The following PDE1C variants were observed in gnomAD, a reference collection of about 807,000 sequenced individuals.
The protein encoded by PDE1C is phosphodiesterase 1C, also known as dual specificity calcium/calmodulin-dependent 3',5'-cyclic nucleotide phosphodiesterase 1C.
Under a neutral mutation model 93.1 loss-of-function variants are expected in PDE1C, and 62 were observed. The observed-to-expected ratio is 0.67, with a 90% confidence interval of 0.54 to 0.82. The LOEUF (loss-of-function observed/expected upper bound fraction) is 0.82, where lower values mean the gene tolerates loss of function less well. Among genes scored for constraint, PDE1C ranks in the 40% least tolerant of loss-of-function variants. PDE1C has a pLI of 0.00. For synonymous variants in PDE1C, 325 were observed against 310.1 expected (o/e 1.05, Z -0.50); for missense variants, 742 against 884.6 (o/e 0.84, Z 2.04).
intron 2 of PDE1C, among the ~76,000 whole-genome samples, chr7:31,926,906 G>T (rs935631478): frequency 2.0e-5 from 3 of 151,976 alleles, no homozygotes; most frequent in Non-Finnish European, 4.4e-5. Flanking sequence ...GAGTTTTTTT[G>T]TTTTGTTTTG....
chr7:32,226,052 C>T (rs1188037674), intron 1 of PDE1C, among the ~76,000 whole-genome samples: 1 of 151,834 alleles, frequency 6.6e-6, no homozygotes, highest in Non-Finnish European at 1.5e-5. Context: ...AGCGAGACTC[C>T]ATCTCAAAAA....
chr7:31,926,901 T>TTTTTGTTTTGTTTTGTTTTG (rs111533454), intron 2 of PDE1C, among the ~76,000 whole-genome samples: 1 of 151,656 alleles, frequency 6.6e-6, no homozygotes, highest in African/African-American at 2.4e-5. Flanking sequence ...TGCAGGAGTT[T>TTTTTGTTTTGTTTTGTTTTG]TTTTGTTTTG....
chr7:32,030,479 A>C (rs1042766900), intron 2 of PDE1C, among the ~76,000 whole-genome samples: 2 of 152,126 alleles, frequency 1.3e-5, no homozygotes, highest in African/African-American at 4.8e-5. Flanking sequence ...TTAAAAAATT[A>C]GATCGCTGAA....
intron 16 of PDE1C, 50 bp downstream of exon 16, chr7:31,808,981 C>T (rs768756664): frequency 9.4e-7 from 1 of 1,066,094 alleles, no homozygotes; most frequent in Non-Finnish European, 1.5e-6. Context: ...AACAAGCTTA[C>T]ATTAAACTGC....
Position 32,127,161 on chromosome 7 carries a change from C to A in PDE1C, c.308+42624G>T, listed in dbSNP as rs571835430. ...ACTGAAACATCAGCTCTTTCTGGGT[C>A]TTTAGCCTGCCAGCCTTCAGAAGAG... is the stretch of plus-strand genomic sequence containing the variant. On this transcript the variant is annotated intron_variant, in intron 3 of 18. Transcript: ENST00000396193. 1.3e-4 allele frequency among the ~76,000 whole-genome samples: 20 copies of A among 152,290 alleles called. No individual in the cohort carries two copies. The South Asian group carries it at 1.5e-3, about 11-fold the overall frequency.
intron 9 of PDE1C, among the ~76,000 whole-genome samples, chr7:31,838,683 CCTCT>C (rs1422188992): frequency 2.6e-5 from 4 of 152,100 alleles, no homozygotes; most frequent in Non-Finnish European, 5.9e-5. Flanking sequence ...TCGATTCACC[CCTCT>C]CTTTTTTCCC....
At chr7:31,633,558 C>G in the PDE1C span, among the ~76,000 whole-genome samples, 1 of 152,236 alleles carries the variant, frequency 6.6e-6, no homozygotes, top group African/African-American at 2.4e-5. Flanking sequence ...CAACTGCTCT[C>G]TGGTCTGAAC....
chr7:32,408,720 C>T (rs1250942910), intron 1 of PDE1C, among the ~76,000 whole-genome samples: 1 of 151,936 alleles, frequency 6.6e-6, no homozygotes, highest in Non-Finnish European at 1.5e-5. Flanking sequence ...ACCCAGGAGG[C>T]GAAGGTTGCA....
intron 3 of PDE1C, among the ~76,000 whole-genome samples, chr7:32,124,106 T>C (rs963618602): frequency 6.6e-6 from 1 of 152,110 alleles, no homozygotes; most frequent in African/African-American, 2.4e-5. Flanking sequence ...CTATTCATAA[T>C]TGCTACAAAG....
intron 1 of PDE1C, among the ~76,000 whole-genome samples, chr7:32,287,475 A>G (rs1257178931): frequency 1.3e-5 from 2 of 152,244 alleles, no homozygotes; most frequent in Non-Finnish European, 2.9e-5. Flanking sequence ...TGGCCTTGCC[A>G]TCAGAGGACT....
chr7:32,014,697 G>A (rs1787651901), intron 2 of PDE1C, among the ~76,000 whole-genome samples: 1 of 152,102 alleles, frequency 6.6e-6, no homozygotes, highest in Admixed American at 6.6e-5. Context: ...ACTTATGAGT[G>A]AGAACATGCA....
intron 2 of PDE1C, among the ~76,000 whole-genome samples, chr7:31,973,225 CAA>C (rs1184311280): frequency 5.3e-5 from 8 of 151,936 alleles, no homozygotes. Context: ...GGGGCAGAAA[CAA>C]AAGACTCAAC....
At chr7:32,406,866 G>A (rs766991292) in intron 1 of PDE1C, among the ~76,000 whole-genome samples, 35 of 152,290 alleles carry the variant, frequency 2.3e-4, no homozygotes, top group Non-Finnish European at 4.0e-4. Flanking sequence ...GATAGACAGC[G>A]TCCTGGTGAG....
chr7:32,187,841 C>A (rs914383320), intron 2 of PDE1C, among the ~76,000 whole-genome samples: 1 of 152,166 alleles, frequency 6.6e-6, no homozygotes, highest in African/African-American at 2.4e-5. Context: ...TACTTTTTCT[C>A]AAAATCCATT....
chr7:31,620,577 CAGAA>C, the PDE1C span, among the ~76,000 whole-genome samples: 2 of 151,172 alleles, frequency 1.3e-5, no homozygotes, highest in Non-Finnish European at 3.0e-5. Context: ...AACTAACAAA[CAGAA>C]AGGACATCCA....
intron 2 of PDE1C, among the ~76,000 whole-genome samples, chr7:31,951,212 T>C (rs1334202381): frequency 1.3e-5 from 2 of 152,214 alleles, no homozygotes; most frequent in African/African-American, 2.4e-5. Context: ...ATAGTCACAT[T>C]GGGTGTTAGG....
intron 1 of PDE1C, among the ~76,000 whole-genome samples, chr7:32,324,919 G>A (rs567341147): frequency 5.3e-5 from 8 of 152,078 alleles, no homozygotes; most frequent in Admixed American, 1.3e-4. Flanking sequence ...ACTGTACTCC[G>A]GCCTGGGTGA....
chr7:31,651,273 AT>A, the PDE1C span: 1 of 1,612,466 alleles, frequency 6.2e-7, no homozygotes, highest in South Asian at 1.1e-5. Context: ...AGGAAAGGTA[AT>A]TACCTAAGGG....
intron 2 of PDE1C, among the ~76,000 whole-genome samples, chr7:31,905,930 T>C (rs555875785): frequency 1.8e-4 from 27 of 152,288 alleles, no homozygotes; most frequent in African/African-American, 6.5e-4. Context: ...CACTTCTTGC[T>C]GCAAGAAGGA....
Sources: allele counts gnomAD v4.1 joint callset (sites outside exome capture counted in the v4.1 genomes callset), GRCh38; gene constraint gnomAD v4.1.1; transcripts MANE v1.5; gene names NCBI Gene and HGNC (gene_info 2026-07-23, HGNC 2026-07-21).